ARMC1: variants seen among roughly 807,000 people sequenced by gnomAD.
ARMC1 encodes armadillo repeat-containing protein 1.
In ARMC1, 16 loss-of-function variants were observed where a neutral mutation model predicts 31.4. That is an observed-to-expected ratio of 0.51 (90% CI 0.34 to 0.77). The LOEUF (loss-of-function observed/expected upper bound fraction) is 0.77, where lower values mean the gene tolerates loss of function less well. Among genes scored for constraint, ARMC1 ranks in the 30% least tolerant of loss-of-function variants. ARMC1 has a pLI of 0.01. For missense variants in ARMC1, 259 were observed against 347.5 expected (o/e 0.75, Z 2.02); for synonymous variants, 114 against 118.9 (o/e 0.96, Z 0.27).
intron 1 of ARMC1, among the ~76,000 whole-genome samples, chr8:65,629,726 G>C (rs993084108): frequency 1.3e-4 from 20 of 151,282 alleles, no homozygotes; most frequent in African/African-American, 4.9e-4. Flanking sequence ...TTGAACTTGG[G>C]AGATGGAGGT....
intron 4 of ARMC1, among the ~76,000 whole-genome samples, chr8:65,610,471 G>T (rs1419592872): frequency 6.6e-6 from 1 of 151,998 alleles, no homozygotes; most frequent in Non-Finnish European, 1.5e-5. Flanking sequence ...AAAGCAGGCA[G>T]ATTACCTGAG....
chr8:65,609,165 G>A (rs1301706999), intron 4 of ARMC1, among the ~76,000 whole-genome samples: 1 of 133,642 alleles, frequency 7.5e-6, no homozygotes, highest in South Asian at 2.3e-4. Flanking sequence ...ACGGAATCTC[G>A]CTATGTTGAC....
rs979012559 is a variant in ARMC1, at chr8:65,614,417, T to TA, written c.276-985dup. ...GCACTTGAAATGTGGCTAGTGCAAC[T>TA]AAAAAAAATTAATTTACCTTTAATT... On this transcript the variant is annotated intron_variant, in intron 3 of 6. Coordinates refer to ENST00000276569, the MANE Select transcript of ARMC1 (RefSeq NM_018120.6). Among the ~76,000 whole-genome samples the TA allele has an allele frequency of 5.9e-5, 9 of 152,172 alleles. No homozygotes were observed. The East Asian group carries it at 1.4e-3, about 23-fold the overall frequency.
At chr8:65,609,063 T>C (rs566168489) in intron 4 of ARMC1, among the ~76,000 whole-genome samples, 1 of 133,926 alleles carries the variant, frequency 7.5e-6, no homozygotes, top group South Asian at 2.4e-4. Context: ...TTGCTAATAT[T>C]TCATTTTGGA....
At chr8:65,610,118 G>C (rs1423001196) in intron 4 of ARMC1, among the ~76,000 whole-genome samples, 1 of 151,856 alleles carries the variant, frequency 6.6e-6, no homozygotes, top group East Asian at 2.0e-4. Flanking sequence ...TTGTGTGTGT[G>C]ACGGGATCTC....
At chr8:65,610,913 A>G (rs1206303701) in intron 4 of ARMC1, among the ~76,000 whole-genome samples, 2 of 152,050 alleles carry the variant, frequency 1.3e-5, no homozygotes, top group Non-Finnish European at 2.9e-5. Context: ...TTATTGGCAT[A>G]AAGGTATTTA....
At chr8:65,617,446 C>T (rs998829502) in intron 3 of ARMC1, among the ~76,000 whole-genome samples, 2 of 152,098 alleles carry the variant, frequency 1.3e-5, no homozygotes, top group Non-Finnish European at 2.9e-5. Flanking sequence ...GTCATCACCA[C>T]TCCCTAATCT....
Position 65,603,395 on chromosome 8 carries a change from A to G in ARMC1, c.*999T>C, listed in dbSNP as rs1807935337. 6.6e-6 allele frequency: 1 copy of G among 152,220 alleles called. No homozygotes were observed. The highest frequency in any genetic ancestry group is 2.1e-4 in the South Asian group (1 of 4,832). The allele number at this position is 152,220 out of a possible 1,614,324, so 9.4% of individuals were successfully genotyped here. A position where few individuals can be genotyped will look rare whatever the true frequency, so the allele number is the denominator to read the frequency against. ...TAATAAATTCACAAAAGACAATACA[A>G]AGAAACACCTACTGAATAGAACTCT... On this transcript the variant is annotated 3_prime_UTR_variant, in exon 7 of 7. Coordinates refer to ENST00000276569, the MANE Select transcript of ARMC1 (RefSeq NM_018120.6).
chr8:65,621,567 G>T (rs1247031717), intron 3 of ARMC1, among the ~76,000 whole-genome samples: 3 of 152,114 alleles, frequency 2.0e-5, no homozygotes, highest in African/African-American at 7.2e-5. Context: ...AGAGTGCAGT[G>T]GTGGGATCTC....
rs1218961669 is a variant in ARMC1 at position 65,613,320 on chromosome 8, T to G, written c.389A>C (p.Lys130Thr). The G allele has an allele frequency of 3.1e-6, 5 of 1,612,812 alleles. No individual in the cohort carries two copies. Among genetic ancestry groups the G allele is most frequent in the Non-Finnish European group, 4.2e-6 (5 of 1,179,566 alleles). ...TGTAGTTCCCAGAAAAAATTGAGCT[T>G]TCCTTCGACGTGAATTCATCTCATT... is the stretch of plus-strand genomic sequence containing the variant. The part of the protein sequence containing the change: ...SFNEMNSRRR[K>T]AQFFLGTTNK... The change falls in exon 4 of 7, where the codon AAA becomes ACA. Residue 130 changes from lysine (K) to threonine (T), a missense_variant. Transcript: ENST00000276569.
intron 1 of ARMC1, among the ~76,000 whole-genome samples, chr8:65,631,001 A>T (rs1368522699): frequency 1.3e-5 from 2 of 152,222 alleles, no homozygotes; most frequent in Non-Finnish European, 2.9e-5. Flanking sequence ...TGGTTGAATC[A>T]GACAATGTCA....
chr8:65,609,631 G>A (rs184513543), intron 4 of ARMC1, among the ~76,000 whole-genome samples: 1 of 152,138 alleles, frequency 6.6e-6, no homozygotes, highest in African/African-American at 2.4e-5. Flanking sequence ...AGGCCAAGGC[G>A]GGTGGATCAC....
chr8:65,617,004 G>C (rs1808282757), intron 3 of ARMC1, among the ~76,000 whole-genome samples: 1 of 150,816 alleles, frequency 6.6e-6, no homozygotes. Flanking sequence ...AGGGAGGCGG[G>C]GGGCAGCCCC....
chr8:65,633,367 A>C (rs1808692858), intron 1 of ARMC1, among the ~76,000 whole-genome samples: 1 of 152,256 alleles, frequency 6.6e-6, no homozygotes, highest in Non-Finnish European at 1.5e-5. Context: ...TTAGAGCCTC[A>C]GTTATCTCAC....
At chr8:65,615,631 T>C (rs1808233864) in intron 3 of ARMC1, among the ~76,000 whole-genome samples, 1 of 151,778 alleles carries the variant, frequency 6.6e-6, no homozygotes, top group Non-Finnish European at 1.5e-5. Flanking sequence ...CACTTGGACC[T>C]GGGAGATGGA....
intron 4 of ARMC1, among the ~76,000 whole-genome samples, chr8:65,606,319 C>A (rs937898548): frequency 6.6e-6 from 1 of 151,216 alleles, no homozygotes; most frequent in Non-Finnish European, 1.5e-5. Flanking sequence ...TGAGATTATG[C>A]CGCTGCACTC....
chr8:65,617,202 T>G (rs1024304189), intron 3 of ARMC1, among the ~76,000 whole-genome samples: 6 of 152,208 alleles, frequency 3.9e-5, no homozygotes, highest in African/African-American at 1.4e-4. Context: ...GGGGAAAAGA[T>G]AGAGAAATCA....
chr8:65,626,653 A>G (rs1808517099), intron 2 of ARMC1, among the ~76,000 whole-genome samples: 1 of 152,160 alleles, frequency 6.6e-6, no homozygotes, highest in Admixed American at 6.6e-5. Flanking sequence ...ATATGATCCA[A>G]TCCTCAAGAT....
chr8:65,625,203 C>A (rs372016885), intron 2 of ARMC1, among the ~76,000 whole-genome samples: 1 of 152,164 alleles, frequency 6.6e-6, no homozygotes, highest in Admixed American at 6.6e-5. Context: ...TCTGTCCCTC[C>A]ATGACTTTAT....
Sources: allele counts gnomAD v4.1 joint callset (sites outside exome capture counted in the v4.1 genomes callset), GRCh38; gene constraint gnomAD v4.1.1; transcripts MANE v1.5; gene names NCBI Gene and HGNC (gene_info 2026-07-23, HGNC 2026-07-21).